The following FKRP variants were observed in gnomAD, a reference collection of about 807,000 sequenced individuals.
FKRP encodes ribitol 5-phosphate transferase FKRP.
A neutral mutation model predicts 30.6 loss-of-function variants in FKRP; 25 were observed. The observed-to-expected ratio is 0.82, with a 90% CI of 0.60 to 1.14. The LOEUF is 1.14. FKRP is among the 50% of genes most tolerant of loss of function. The pLI is 0.00. For missense variants in FKRP, 771 were observed against 727.8 expected, an observed-to-expected ratio of 1.06 and a Z score of -0.68; for synonymous variants, 358 against 342.5, an observed-to-expected ratio of 1.05 and a Z score of -0.50.
Position 46,751,860 on chromosome 19 carries a change from C to T in FKRP, c.-40+3195C>T, listed in dbSNP as rs533265246. Among the ~76,000 whole-genome samples the T allele has an allele frequency of 5.9e-5, 9 of 152,194 alleles. No individual in the cohort carries two copies. The South Asian group carries it at 1.5e-3, about 25-fold the overall frequency. On this transcript the variant is annotated intron_variant, in intron 3 of 3. Coordinates refer to ENST00000318584, the MANE Select transcript of FKRP (RefSeq NM_024301.5). Reference sequence around the variant, plus strand: ...GGGATTACAGGCATGAGCCACCATGCCCAGCCCACCAAGATGCATTTTTAA... The same window carrying T: ...GGGATTACAGGCATGAGCCACCATGTCCAGCCCACCAAGATGCATTTTTAA...
At chr19:46,746,207 T>C in intron 1 of FKRP, 117 bp downstream of exon 1, 1 of 1,537,808 alleles carries the variant, frequency 6.5e-7, no homozygotes, top group Admixed American at 1.9e-5. Context: ...GCGCGCCCAC[T>C]CGTGCTGGAT....
At position 46,757,115 on chromosome 19, in the gene FKRP, C is replaced by T; in HGVS notation, c.*177C>T. 3 of 852,364 alleles carry T rather than the reference C, an allele frequency of 3.5e-6. No individual in the cohort carries two copies. The highest frequency in any genetic ancestry group is 2.7e-5 in the East Asian group (1 of 37,488). 52.8% of individuals were successfully genotyped at this position (852,364 alleles called of 1,614,324 possible). On this transcript the variant is annotated 3_prime_UTR_variant, in exon 4 of 4. Transcript: ENST00000318584. ...CATTGGCAGGAGGAGAGCACCAGGA[C>T]GAGGATGGGAAGCGACCTCCAGATT... is the stretch of plus-strand genomic sequence containing the variant.
In FKRP at chr19:46,755,583, G is replaced by A; in HGVS notation, c.133G>A (p.Ala45Thr). Residue 45 changes from alanine (A) to threonine (T), a missense_variant, in exon 4 of 4, where the codon GCC becomes ACC. Coordinates refer to ENST00000318584, the MANE Select transcript of FKRP (RefSeq NM_024301.5). ...RARGPRRASA[A>T]GPRVTVLVRE... ...CCGGGGGCCCCGTCGTGCCTCTGCT[G>A]CCGGCCCCCGTGTCACCGTCCTGGT... 1 of 1,606,448 alleles carries A rather than the reference G, an allele frequency of 6.2e-7. No individual in the cohort carries two copies. Among genetic ancestry groups the A allele is most frequent in the Non-Finnish European group, 8.5e-7 (1 of 1,177,132 alleles).
At position 46,756,318 on chromosome 19, in the gene FKRP, A is replaced by G; in HGVS notation, c.868A>G (p.Asn290Asp). The G allele has an allele frequency of 6.4e-7, 1 of 1,554,198 alleles. No homozygotes were observed. The highest frequency in any genetic ancestry group is 8.7e-7 in the Non-Finnish European group (1 of 1,154,318). Residue 290 changes from asparagine (N) to aspartate (D), a missense_variant, in exon 4 of 4, where the codon AAC becomes GAC. Coordinates refer to ENST00000318584, the MANE Select transcript of FKRP (RefSeq NM_024301.5). The surrounding 1 kb of genome is among the most constrained non-coding windows in gnomAD (Gnocchi z 6.6). Reference protein sequence around the residue: ...EGGRLEWFGCNKETTRCFGTV... With the variant: ...EGGRLEWFGCDKETTRCFGTV... ...CGGGCGGCTGGAGTGGTTCGGCTGC[A>G]ACAAGGAGACCACGCGCTGCTTCGG...
chr19:46,756,612 G>A lies in FKRP; in HGVS notation c.1162G>A (p.Asp388Asn), dbSNP rs745314956. Residue 388 changes from aspartate (D) to asparagine (N), a missense_variant, in exon 4 of 4, where the codon GAT becomes AAT. By Grantham distance (23) the Asp-to-Asn change is conservative. Transcript: ENST00000318584. This position sits in a 1 kb window ranked among gnomAD's most constrained non-coding sequence, Gnocchi z 6.6. ...GGGGGCAGAGGCCGGCTCGGTGGTGGATGAGCGCGGCTTCGTATGGGAGAA... is the reference window on the plus strand; with the variant it reads ...GGGGGCAGAGGCCGGCTCGGTGGTGAATGAGCGCGGCTTCGTATGGGAGAA... The part of the protein sequence containing the change: ...LRGAEAGSVV[D>N]ERGFVWEKAV... The A allele has an allele frequency of 1.9e-6, 3 of 1,612,122 alleles. No individual in the cohort carries two copies. Among genetic ancestry groups the A allele is most frequent in the Non-Finnish European group, 2.5e-6 (3 of 1,179,424 alleles).
chr19:46,751,637 C>G (rs1021798568), intron 3 of FKRP, among the ~76,000 whole-genome samples: 2 of 149,082 alleles, frequency 1.3e-5, no homozygotes, highest in Non-Finnish European at 3.0e-5. Flanking sequence ...ACAATCTCGG[C>G]TCACTGCAAG....
At chr19:46,751,981 G>A (rs906846488) in intron 3 of FKRP, among the ~76,000 whole-genome samples, 1 of 152,182 alleles carries the variant, frequency 6.6e-6, no homozygotes, top group Non-Finnish European at 1.5e-5. Flanking sequence ...GGCTATCTGG[G>A]ATAAGAACAC....
At position 46,756,066 on chromosome 19, in the gene FKRP, G is replaced by C; in HGVS notation, c.616G>C (p.Asp206His). The C allele has an allele frequency of 6.4e-7, 1 of 1,573,538 alleles. No homozygotes were observed. Among genetic ancestry groups the C allele is most frequent in the Non-Finnish European group, 8.6e-7 (1 of 1,168,822 alleles). Residue 206 changes from aspartate to histidine, a missense_variant, in exon 4 of 4, where the codon GAC becomes CAC. Asp to His is a moderately conservative substitution (Grantham distance 81). Transcript: ENST00000318584. This position sits in a 1 kb window ranked among gnomAD's most constrained non-coding sequence, Gnocchi z 6.6. ...TGCTGTGGTGCTCCTGCGCGCCCGC[G>C]ACCTCTTCAACCTCTCGGCGCCCCT... is the stretch of plus-strand genomic sequence containing the variant. ...GDAVVLLRAR[D>H]LFNLSAPLAR...
At chr19:46,746,395 GGCGGCGACC>G in intron 1 of FKRP, 1 of 1,075,018 alleles carries the variant, frequency 9.3e-7, no homozygotes, top group Non-Finnish European at 1.1e-6. Context: ...AGGAGGCGGC[GGCGGCGACC>G]GCGGCGGCCG....
At position 46,750,234 on chromosome 19, in the gene FKRP, A is replaced by G. The variant is rs187267235; in HGVS notation, c.-40+1569A>G. The stretch of plus-strand genomic sequence containing the variant: ...TGCCCTTAGAGGCGGTGAAGTCTGC[A>G]TGGCTTTATCAGGGTACTAGATGAT... On this transcript the variant is annotated intron_variant, in intron 3 of 3. Coordinates refer to ENST00000318584, the MANE Select transcript of FKRP (RefSeq NM_024301.5). Among the ~76,000 whole-genome samples, 417 of 152,266 alleles carry G rather than the reference A, an allele frequency of 2.7e-3. 5 individuals carry two copies. The highest frequency in any genetic ancestry group is 9.4e-3 in the African/African-American group (391 of 41,552).
intron 1 of FKRP, chr19:46,746,388 AGGC>A (rs1434686470): frequency 2.8e-6 from 3 of 1,064,716 alleles, no homozygotes; most frequent in East Asian, 6.3e-5. Context: ...CGGCAGGAGG[AGGC>A]GGCGGCGGCG....
rs566036533 is a variant in FKRP at position 46,758,501 on chromosome 19, T to A, written c.*1563T>A. ...TTTAAAATTATGAATATGAATAGGGTTTTTTTTATGTTTCTTGCCTCATCC... is the reference window on the plus strand; with the variant it reads ...TTTAAAATTATGAATATGAATAGGGATTTTTTTATGTTTCTTGCCTCATCC... On this transcript the variant is annotated 3_prime_UTR_variant, in exon 4 of 4. Transcript: ENST00000318584. 1.2e-5 allele frequency: 2 copies of A among 166,134 alleles called. No homozygotes were observed. Among genetic ancestry groups the A allele is most frequent in the Admixed American group, 1.3e-4 (2 of 15,166 alleles). The allele number at this position is 166,134 out of a possible 1,614,324, so 10.3% of individuals were successfully genotyped here. A position where few individuals can be genotyped will look rare whatever the true frequency, so the allele number is the denominator to read the frequency against.
chr19:46,751,635 G>A (rs1449514188), intron 3 of FKRP, among the ~76,000 whole-genome samples: 2 of 144,260 alleles, frequency 1.4e-5, no homozygotes, highest in East Asian at 2.0e-4. Context: ...GCACAATCTC[G>A]GCTCACTGCA....
chr19:46,750,010 ATCG>A (rs1203616199), intron 3 of FKRP, among the ~76,000 whole-genome samples: 22 of 152,106 alleles, frequency 1.4e-4, no homozygotes, highest in Non-Finnish European at 2.8e-4. Flanking sequence ...GAGCCACCAC[ATCG>A]GCTGGTTTCC....
chr19:46,755,003 A>AT (rs1171916263), intron 3 of FKRP, among the ~76,000 whole-genome samples: 3 of 151,746 alleles, frequency 2.0e-5, no homozygotes, highest in Non-Finnish European at 4.4e-5. Context: ...CATCTTAACC[A>AT]TTTTTCAGCA....
In FKRP at chr19:46,746,068, G is replaced by C; in HGVS notation, c.-275G>C. The C allele has an allele frequency of 8.0e-7, 1 of 1,244,600 alleles. No individual in the cohort carries two copies. 77.1% of individuals were successfully genotyped at this position (1,244,600 alleles called of 1,614,324 possible). On this transcript the variant is annotated 5_prime_UTR_variant, in exon 1 of 4. Transcript: ENST00000318584. The stretch of plus-strand genomic sequence containing the variant: ...GCCGTCCCGGCGGCCATTGCTCCAA[G>C]ATGGCGGCGGCGGCGGCAGCGGGTG...
rs1320862714 is a variant in FKRP at position 46,755,711 on chromosome 19, C to T, written c.261C>T (p.Pro87=). Residue 87 remains proline, a synonymous_variant, in exon 4 of 4, where the codon CCC becomes CCT. Transcript: ENST00000318584. ...QPVVVAADTL[P]YPPLALPRIP... is the part of the protein sequence containing the mutation. ...TGGTGGTGGCAGCCGACACGCTCCC[C>T]TACCCGCCCCTGGCCCTGCCCCGCA... 6.3e-7 allele frequency: 1 copy of T among 1,574,850 alleles called. No individual in the cohort carries two copies. Among genetic ancestry groups the T allele is most frequent in the Non-Finnish European group, 8.6e-7 (1 of 1,166,908 alleles).
intron 3 of FKRP, among the ~76,000 whole-genome samples, chr19:46,754,935 G>A (rs567020213): frequency 6.6e-6 from 1 of 151,576 alleles, no homozygotes; most frequent in South Asian, 2.1e-4. Context: ...ATATTTTTCA[G>A]CACCCCACTT....
rs1060502107 is a variant in FKRP at position 46,756,270 on chromosome 19, A to G, written c.820A>G (p.Ile274Val). The G allele has an allele frequency of 1.3e-6, 2 of 1,506,884 alleles. No individual in the cohort carries two copies. Among genetic ancestry groups the G allele is most frequent in the Non-Finnish European group, 1.8e-6 (2 of 1,131,270 alleles). 93.3% of individuals were successfully genotyped at this position (1,506,884 alleles called of 1,614,324 possible). A position where few individuals can be genotyped will look rare whatever the true frequency, so the allele number is the denominator to read the frequency against. Reference sequence around the variant, plus strand: ...GGCGGCGCTGCTCCGCGCGCTGGGCATCCGCCTAGTGAGCTGGGAAGGCGG... The same window carrying G: ...GGCGGCGCTGCTCCGCGCGCTGGGCGTCCGCCTAGTGAGCTGGGAAGGCGG... ...RRAALLRALGIRLVSWEGGRL... is the reference protein window; with the variant it reads ...RRAALLRALGVRLVSWEGGRL... The change falls in exon 4 of 4, where the codon ATC (isoleucine) becomes GTC (valine). Residue 274 changes from isoleucine (I) to valine (V), a missense_variant. Coordinates refer to ENST00000318584, the MANE Select transcript of FKRP (RefSeq NM_024301.5). This position sits in a 1 kb window ranked among gnomAD's most constrained non-coding sequence, Gnocchi z 6.6.
Sources: gnomAD v4.1 joint callset for allele counts (sites outside exome capture counted in the v4.1 genomes callset) on GRCh38, gnomAD v4.1.1 for gene constraint, Gnocchi (gnomAD v3.1) non-coding constraint, MANE v1.5 for transcripts, NCBI Gene and HGNC (gene_info 2026-07-23, HGNC 2026-07-21) for gene names.